NDFIP2: variants seen among roughly 807,000 people sequenced by gnomAD.
The protein encoded by NDFIP2 is Nedd4 family interacting protein 2.
Under a neutral mutation model 36.0 loss-of-function variants are expected in NDFIP2, and 19 were observed. That is an observed-to-expected ratio of 0.53 (90% confidence interval 0.37 to 0.77). The LOEUF is 0.77. Ranked by LOEUF, NDFIP2 falls within the 30% of genes least tolerant of loss-of-function variation. The pLI is 0.00. For synonymous variants in NDFIP2, 181 were observed against 167.7 expected (o/e 1.08, Z -0.61); for missense variants, 446 against 435.8 (o/e 1.02, Z -0.21).
At chr13:79,492,088 A>C (rs1228805167) in intron 1 of NDFIP2, among the ~76,000 whole-genome samples, 2 of 152,186 alleles carry the variant, frequency 1.3e-5, no homozygotes, top group Non-Finnish European at 2.9e-5. Context: ...TTATGTAAAG[A>C]AATTGTGCTA....
intron 1 of NDFIP2, among the ~76,000 whole-genome samples, chr13:79,488,602 G>A (rs1873108775): frequency 2.0e-5 from 3 of 152,088 alleles, no homozygotes; most frequent in Admixed American, 1.3e-4. Flanking sequence ...CTAAAGGTAA[G>A]GGAGCAGTTT....
At chr13:79,504,991 G>A (rs1163283856) in intron 1 of NDFIP2, among the ~76,000 whole-genome samples, 2 of 152,158 alleles carry the variant, frequency 1.3e-5, no homozygotes, top group South Asian at 2.1e-4. Context: ...TGTTCCATCT[G>A]CTCTTGCATC....
At chr13:79,548,455 A>T (rs1052646209) in intron 6 of NDFIP2, 61 bp downstream of exon 6, 1 of 1,255,012 alleles carries the variant, frequency 8.0e-7, no homozygotes, top group Non-Finnish European at 1.1e-6. Context: ...GTAAGATGTA[A>T]ATAAACTGTG....
At chr13:79,524,478 A>G (rs1874712851) in intron 2 of NDFIP2, among the ~76,000 whole-genome samples, 1 of 152,230 alleles carries the variant, frequency 6.6e-6, no homozygotes, top group Admixed American at 6.5e-5. Context: ...GTGATTAAAT[A>G]CTAGGCAAGT....
intron 2 of NDFIP2, among the ~76,000 whole-genome samples, chr13:79,523,788 C>A (rs1213688486): frequency 6.6e-6 from 1 of 152,158 alleles, no homozygotes; most frequent in Non-Finnish European, 1.5e-5. Flanking sequence ...TATTGATCTT[C>A]TGATGATATG....
chr13:79,543,728 T>C, intron 5 of NDFIP2, 46 bp downstream of exon 5: 1 of 1,594,246 alleles, frequency 6.3e-7, no homozygotes. Flanking sequence ...TAAAATGAGA[T>C]GTATGAAATT....
At chr13:79,523,905 G>A (rs1007277857) in intron 2 of NDFIP2, among the ~76,000 whole-genome samples, 3 of 152,094 alleles carry the variant, frequency 2.0e-5, no homozygotes, top group Non-Finnish European at 4.4e-5. Context: ...GAAACCTTTT[G>A]GAAGAACATT....
intron 1 of NDFIP2, among the ~76,000 whole-genome samples, chr13:79,487,222 G>C (rs1873037398): frequency 1.3e-5 from 2 of 151,878 alleles, no homozygotes; most frequent in Admixed American, 1.3e-4. Flanking sequence ...CCAGGTGACT[G>C]TTCTGATTTT....
intron 1 of NDFIP2, among the ~76,000 whole-genome samples, chr13:79,494,496 AACTT>A (rs2140737289): frequency 6.6e-6 from 1 of 151,978 alleles, no homozygotes; most frequent in Non-Finnish European, 1.5e-5. Flanking sequence ...GACTTTCCAA[AACTT>A]ACTTTTCATG....
chr13:79,495,176 A>G (rs1035399095), intron 1 of NDFIP2, among the ~76,000 whole-genome samples: 1 of 151,908 alleles, frequency 6.6e-6, no homozygotes, highest in African/African-American at 2.4e-5. Flanking sequence ...TACTGTGTGC[A>G]CTTGAAAATA....
At position 79,481,323 on chromosome 13, in the gene NDFIP2, T is replaced by G; in HGVS notation, c.120T>G (p.Ala40=). 6 of 1,543,996 alleles carry G rather than the reference T, an allele frequency of 3.9e-6. No homozygotes were observed. The highest frequency in any genetic ancestry group is 5.2e-6 in the Non-Finnish European group (6 of 1,146,672). The part of the protein sequence containing the change: ...TATNAEVSAA[A]AGATGSEELP... ...CCAACGCGGAGGTCTCGGCGGCCGC[T>G]GCGGGAGCCACAGGAAGTGAAGAGC... is the stretch of plus-strand genomic sequence containing the variant. The change falls in exon 1 of 8, where the codon GCT becomes GCG. Residue 40 remains alanine, a synonymous_variant. Transcript: ENST00000218652.
chr13:79,524,340 G>A (rs1233130995), intron 2 of NDFIP2, among the ~76,000 whole-genome samples: 3 of 152,198 alleles, frequency 2.0e-5, no homozygotes, highest in South Asian at 2.1e-4. Context: ...ACATTCTTCA[G>A]GGAGACATCT....
At chr13:79,532,234 T>C (rs539177517) in intron 2 of NDFIP2, among the ~76,000 whole-genome samples, 29 of 152,326 alleles carry the variant, frequency 1.9e-4, no homozygotes, top group African/African-American at 6.7e-4. Flanking sequence ...CTGATACACT[T>C]GTTCAATGTG....
At chr13:79,506,935 A>G (rs1336290098) in intron 1 of NDFIP2, among the ~76,000 whole-genome samples, 1 of 152,154 alleles carries the variant, frequency 6.6e-6, no homozygotes, top group African/African-American at 2.4e-5. Flanking sequence ...GTTCTGTAAG[A>G]GTTCACTAAA....
At chr13:79,542,964 C>T (rs956142307) in intron 4 of NDFIP2, among the ~76,000 whole-genome samples, 1 of 151,814 alleles carries the variant, frequency 6.6e-6, no homozygotes, top group Non-Finnish European at 1.5e-5. Flanking sequence ...GCAACCTCTA[C>T]CTCCCAGGTT....
At chr13:79,513,647 A>G (rs955478011) in intron 1 of NDFIP2, among the ~76,000 whole-genome samples, 1 of 152,042 alleles carries the variant, frequency 6.6e-6, no homozygotes, top group Non-Finnish European at 1.5e-5. Context: ...TAGAGGAAAG[A>G]AAGTGTGAGA....
chr13:79,492,345 A>G (rs1005638086), intron 1 of NDFIP2, among the ~76,000 whole-genome samples: 2 of 148,880 alleles, frequency 1.3e-5, no homozygotes, highest in Non-Finnish European at 3.0e-5. Flanking sequence ...GCTTTCATCT[A>G]TATCAGATGA....
chr13:79,482,149 TTTTCTTTC>T lies in NDFIP2; in HGVS notation c.321+641_321+648del, dbSNP rs1291210226. Among the ~76,000 whole-genome samples the T allele has an allele frequency of 5.4e-3, 601 of 111,930 alleles. 11 individuals are homozygous for T. Among genetic ancestry groups the T allele is most frequent in the African/African-American group, 0.013 (411 of 31,622 alleles). The allele number at this position is 111,930 out of a possible 152,430, so 73.4% of individuals were successfully genotyped here. A position where few individuals can be genotyped will look rare whatever the true frequency, so the allele number is the denominator to read the frequency against. On this transcript the variant is annotated intron_variant, in intron 1 of 7. Coordinates refer to ENST00000218652, the MANE Select transcript of NDFIP2 (RefSeq NM_019080.3). ...ACTGTATTTTTTGGTAATCCCCACT[TTTTCTTTC>T]TTTCTTTCTTTCTTTTTTTTTTTTT...
chr13:79,499,387 A>T (rs1211080916), intron 1 of NDFIP2, among the ~76,000 whole-genome samples: 1 of 151,972 alleles, frequency 6.6e-6, no homozygotes, highest in African/African-American at 2.4e-5. Context: ...ATGCAATATG[A>T]CAAGGAAGGA....
Sources: allele counts gnomAD v4.1 joint callset (sites outside exome capture counted in the v4.1 genomes callset), GRCh38; gene constraint gnomAD v4.1.1; transcripts MANE v1.5; gene names NCBI Gene and HGNC (gene_info 2026-07-23, HGNC 2026-07-21).